The following CNTN1 variants were observed in gnomAD, a reference collection of about 807,000 sequenced individuals.
CNTN1 encodes contactin 1, also known as contactin-1.
In CNTN1, 38 loss-of-function variants were observed where a neutral mutation model predicts 126.4. The observed-to-expected ratio is 0.30, with a 90% confidence interval of 0.23 to 0.39. The LOEUF is 0.39. CNTN1 is among the 10% of genes least tolerant of loss of function. The pLI, the probability that CNTN1 is intolerant of heterozygous loss-of-function variation, is 1.00. For synonymous variants in CNTN1, 413 were observed against 422.6 expected (o/e 0.98, Z 0.28); for missense variants, 1,009 against 1,248.4 (o/e 0.81, Z 2.89).
intron 14 of CNTN1, among the ~76,000 whole-genome samples, chr12:40,957,548 A>G (rs1946934663): frequency 6.6e-6 from 1 of 150,882 alleles, no homozygotes; most frequent in African/African-American, 2.4e-5. Flanking sequence ...CTGATAAAAT[A>G]GAGAAAGTGC....
intron 1 of CNTN1, among the ~76,000 whole-genome samples, chr12:40,797,665 GT>G (rs1321044219): frequency 6.6e-6 from 1 of 152,054 alleles, no homozygotes; most frequent in Admixed American, 6.6e-5. Context: ...CTCTGATAGA[GT>G]TTTGGTACAG....
At chr12:41,063,078 A>G (rs559502713) in intron 23 of CNTN1, among the ~76,000 whole-genome samples, 1 of 152,354 alleles carries the variant, frequency 6.6e-6, no homozygotes, top group South Asian at 2.1e-4. Context: ...CTTTCTGTAC[A>G]AATAAATAAG....
At chr12:40,759,494 C>G (rs1488440105) in intron 1 of CNTN1, among the ~76,000 whole-genome samples, 1 of 148,936 alleles carries the variant, frequency 6.7e-6, no homozygotes, top group Admixed American at 6.7e-5. Context: ...TAGACAGGGT[C>G]TCACTCTGTC....
intron 1 of CNTN1, among the ~76,000 whole-genome samples, chr12:40,850,467 G>A (rs1942676494): frequency 6.6e-6 from 1 of 151,900 alleles, no homozygotes; most frequent in Admixed American, 6.6e-5. Context: ...GTTATTGAAA[G>A]CTCTATTCCT....
intron 1 of CNTN1, among the ~76,000 whole-genome samples, chr12:40,837,916 A>T (rs1171348472): frequency 2.6e-5 from 4 of 152,104 alleles, no homozygotes; most frequent in Non-Finnish European, 4.4e-5. Flanking sequence ...GTGGAGTATG[A>T]GACAGACCTG....
At chr12:40,957,447 CTT>C (rs34057125) in intron 14 of CNTN1, among the ~76,000 whole-genome samples, 16,875 of 143,270 alleles carry the variant, frequency 0.12, 1,012 homozygotes, top group Non-Finnish European at 0.13. Context: ...TTTACCCTAC[CTT>C]TTTTTTTTTT....
intron 15 of CNTN1, chr12:40,978,670 A>G (rs1947745415): frequency 6.6e-6 from 1 of 152,214 alleles, no homozygotes; most frequent in Non-Finnish European, 1.5e-5. Context: ...CTGAATTATT[A>G]TGCATATAAT....
At chr12:41,056,541 A>G (rs948239774) in intron 23 of CNTN1, among the ~76,000 whole-genome samples, 5 of 152,124 alleles carry the variant, frequency 3.3e-5, no homozygotes, top group Non-Finnish European at 2.9e-5. Flanking sequence ...ATAAGTAACT[A>G]CTATATTGCA....
intron 1 of CNTN1, among the ~76,000 whole-genome samples, chr12:40,786,687 C>T (rs1050254301): frequency 2.0e-5 from 3 of 151,908 alleles, no homozygotes; most frequent in East Asian, 1.9e-4. Context: ...AAATGCAGGA[C>T]GTCAACAATA....
chr12:40,943,557 A>G (rs1393332231), intron 12 of CNTN1, 40 bp from the exon 13 acceptor site: 5 of 1,428,492 alleles, frequency 3.5e-6, no homozygotes, highest in African/African-American at 2.8e-5. Flanking sequence ...GTATTTTACT[A>G]AATCAGGTTT....
intron 12 of CNTN1, among the ~76,000 whole-genome samples, chr12:40,942,603 C>T (rs1041920744): frequency 3.9e-5 from 6 of 152,058 alleles, no homozygotes; most frequent in Non-Finnish European, 7.4e-5. Flanking sequence ...TTTCTGAGTA[C>T]GGCGTCTGGG....
At position 41,030,440 on chromosome 12, in the gene CNTN1, G is replaced by A. The variant is rs137984508; in HGVS notation, c.2980+1221G>A. On this transcript the variant is annotated intron_variant, in intron 23 of 23. Coordinates refer to ENST00000551295, the MANE Select transcript of CNTN1 (RefSeq NM_001843.4). ...CAATTTTGTCTTTTAAGAAAATAGA[G>A]AAATTACAGAGATGTGAAAGGAAAA... Among the ~76,000 whole-genome samples, 506 of 151,912 alleles carry A rather than the reference G, an allele frequency of 3.3e-3. 7 individuals carry two copies. The highest frequency in any genetic ancestry group is 0.011 in the African/African-American group (468 of 41,486).
At chr12:40,844,548 T>C (rs1942429909) in intron 1 of CNTN1, among the ~76,000 whole-genome samples, 2 of 152,186 alleles carry the variant, frequency 1.3e-5, no homozygotes, top group African/African-American at 4.8e-5. Flanking sequence ...AAAAAAATAT[T>C]TTTGGTAATC....
intron 23 of CNTN1, among the ~76,000 whole-genome samples, chr12:41,047,473 T>C (rs749098911): frequency 6.6e-6 from 1 of 152,110 alleles, no homozygotes; most frequent in Non-Finnish European, 1.5e-5. Flanking sequence ...CCTTGAAGGC[T>C]GCACCTGGTG....
At chr12:40,899,208 T>C (rs1228902489) in intron 1 of CNTN1, among the ~76,000 whole-genome samples, 1 of 152,214 alleles carries the variant, frequency 6.6e-6, no homozygotes, top group Non-Finnish European at 1.5e-5. Flanking sequence ...TGTATTAAAT[T>C]CAAAATTCTA....
At chr12:40,974,545 T>C (rs1370936895) in intron 15 of CNTN1, among the ~76,000 whole-genome samples, 1 of 152,194 alleles carries the variant, frequency 6.6e-6, no homozygotes, top group East Asian at 1.9e-4. Flanking sequence ...ATTCATATTC[T>C]TCCCAAAAAG....
intron 17 of CNTN1, among the ~76,000 whole-genome samples, chr12:41,013,475 C>T (rs541166021): frequency 2.6e-5 from 4 of 151,976 alleles, no homozygotes; most frequent in Non-Finnish European, 4.4e-5. Flanking sequence ...GTGATTTCTT[C>T]TTAACTCCTA....
At chr12:41,016,343 C>T (rs1168072172) in intron 18 of CNTN1, among the ~76,000 whole-genome samples, 1 of 151,868 alleles carries the variant, frequency 6.6e-6, no homozygotes, top group Non-Finnish European at 1.5e-5. Flanking sequence ...AACCTGTGGT[C>T]GGAGAAAACG....
At chr12:40,893,567 G>C (rs1944310861) in intron 1 of CNTN1, among the ~76,000 whole-genome samples, 1 of 152,006 alleles carries the variant, frequency 6.6e-6, no homozygotes, top group African/African-American at 2.4e-5. Context: ...AACTTGTAAA[G>C]AAAGTAAACA....
Sources: allele counts gnomAD v4.1 joint callset (sites outside exome capture counted in the v4.1 genomes callset), GRCh38; gene constraint gnomAD v4.1.1; transcripts MANE v1.5; gene names NCBI Gene and HGNC (gene_info 2026-07-23, HGNC 2026-07-21).